Variants in SYT4 observed in about 807,000 individuals in gnomAD.
SYT4 encodes the protein synaptotagmin 4.
Under a neutral mutation model 32.9 loss-of-function variants are expected in SYT4, and 7 were observed. That is an observed-to-expected ratio of 0.21 (90% CI 0.12 to 0.40). The LOEUF (loss-of-function observed/expected upper bound fraction) is 0.40, where lower values mean the gene tolerates loss of function less well. Ranked by LOEUF, SYT4 falls within the 10% of genes least tolerant of loss-of-function variation. The pLI, the probability that SYT4 is intolerant of heterozygous loss-of-function variation, is 1.00. For missense variants in SYT4, 480 were observed against 488.0 expected (o/e 0.98, Z 0.16); for synonymous variants, 205 against 186.2 (o/e 1.10, Z -0.82).
At chr18:43,275,210 C>A (rs1189409294) in intron 1 of SYT4, among the ~76,000 whole-genome samples, 1 of 152,098 alleles carries the variant, frequency 6.6e-6, no homozygotes, top group Non-Finnish European at 1.5e-5. Flanking sequence ...ATAACTGTCT[C>A]TTCCTCTAGC....
Position 43,270,576 on chromosome 18 carries a change from C to T in SYT4, c.1043G>A (p.Cys348Tyr), listed in dbSNP as rs1223567540. The T allele has an allele frequency of 1.2e-6, 2 of 1,613,874 alleles. No individual in the cohort carries two copies. Among genetic ancestry groups the T allele is most frequent in the Non-Finnish European group, 1.7e-6 (2 of 1,179,964 alleles). ...CTCATTGAACACTGCATTGGGGGTGCATTTCTTCACATGAGTCTTCTTCTT... is the reference window on the plus strand; with the variant it reads ...CTCATTGAACACTGCATTGGGGGTGTATTTCTTCACATGAGTCTTCTTCTT... ...ISKKKTHVKK[C>Y]TPNAVFNELF... The change falls in exon 4 of 4, where the codon TGC becomes TAC. Residue 348 changes from cysteine (C) to tyrosine (Y), a missense_variant. Transcript: ENST00000255224.
chr18:43,274,505 TACTTTCC>T, intron 1 of SYT4, 111 bp from the exon 2 acceptor site: 1 of 837,716 alleles, frequency 1.2e-6, no homozygotes, highest in East Asian at 2.7e-5. Flanking sequence ...TAGATTGAAT[TACTTTCC>T]AACTGTTCTG....
rs773359100 is a variant in SYT4, at chr18:43,274,121, C to T, written c.308G>A (p.Gly103Asp). Residue 103 changes from glycine (G) to aspartate (D), a missense_variant, in exon 2 of 4, where the codon GGC becomes GAC. Gly to Asp is a moderately conservative substitution (Grantham distance 94, BLOSUM62 -1). Transcript: ENST00000255224. ...HLDLEKRDLNGNFPKTNLKPG... is the reference protein window; with the variant it reads ...HLDLEKRDLNDNFPKTNLKPG... ...TTTGAGGTTGGTTTTGGGAAAATTGCCATTGAGATCTCTCTTTTCAAGATC... is the reference window on the plus strand; with the variant it reads ...TTTGAGGTTGGTTTTGGGAAAATTGTCATTGAGATCTCTCTTTTCAAGATC... 23 of 1,613,920 alleles carry T rather than the reference C, an allele frequency of 1.4e-5. No individual in the cohort carries two copies. The highest frequency in any genetic ancestry group is 1.8e-5 in the Non-Finnish European group (21 of 1,179,946).
At chr18:43,271,990 AG>A in intron 2 of SYT4, 158 bp from the exon 3 acceptor site, 1 of 754,940 alleles carries the variant, frequency 1.3e-6, no homozygotes, top group Admixed American at 3.5e-5. Flanking sequence ...GCTTTTGAGC[AG>A]TACCATCGCT....
At position 43,268,667 on chromosome 18, in the gene SYT4, T is replaced by G. The variant is rs1908531581; in HGVS notation, c.*1674A>C. ...CCGAGTGGAGCAAGATGCTGTGAGGTGACTTTGTAGTGGAATGAAGACAAT... is the reference window on the plus strand; with the variant it reads ...CCGAGTGGAGCAAGATGCTGTGAGGGGACTTTGTAGTGGAATGAAGACAAT... On this transcript the variant is annotated 3_prime_UTR_variant, in exon 4 of 4. Coordinates refer to ENST00000255224, the MANE Select transcript of SYT4 (RefSeq NM_020783.4). 1 of 152,644 alleles carries G rather than the reference T, an allele frequency of 6.6e-6. No homozygotes were observed. Among genetic ancestry groups the G allele is most frequent in the Non-Finnish European group, 1.5e-5 (1 of 68,046 alleles). The allele number at this position is 152,644 out of a possible 1,614,324, so 9.5% of individuals were successfully genotyped here. A position where few individuals can be genotyped will look rare whatever the true frequency, so the allele number is the denominator to read the frequency against.
chr18:43,275,911 A>G (rs756152163), intron 1 of SYT4, among the ~76,000 whole-genome samples: 7 of 152,156 alleles, frequency 4.6e-5, no homozygotes, highest in Admixed American at 1.3e-4. Context: ...ATGCACCCAC[A>G]TTCCTGGACC....
chr18:43,269,283 T>C lies in SYT4; in HGVS notation c.*1058A>G, dbSNP rs1453852082. On this transcript the variant is annotated 3_prime_UTR_variant, in exon 4 of 4. Transcript: ENST00000255224. ...TTAGAATTGCTCTTGAACGATTTTG[T>C]AGTCTTACATTTGTTTGTTGGTTAA... 1 of 152,240 alleles carries C rather than the reference T, an allele frequency of 6.6e-6. No homozygotes were observed. The highest frequency in any genetic ancestry group is 1.5e-5 in the Non-Finnish European group (1 of 68,042). 9.4% of individuals were successfully genotyped at this position (152,240 alleles called of 1,614,324 possible).
intron 2 of SYT4, 30 bp from the exon 3 acceptor site, chr18:43,271,862 T>C: frequency 1.2e-6 from 2 of 1,600,082 alleles, no homozygotes; most frequent in Non-Finnish European, 1.7e-6. Context: ...ATATAAGTAT[T>C]TCTATCTTTT....
rs778692117 is a variant in SYT4 at position 43,274,375 on chromosome 18, C to T, written c.54G>A (p.Val18=). ...CCAGGCCAAATGCACTGAAGATCCC[C>T]ACCACTGTGGGGATTTCATCTGAAA... The part of the protein sequence containing the change: ...REEFDEIPTV[V]GIFSAFGLVF... The change falls in exon 2 of 4, where the codon GTG becomes GTA. Residue 18 remains valine, a synonymous_variant. Transcript: ENST00000255224. 8 of 1,600,494 alleles carry T rather than the reference C, an allele frequency of 5.0e-6. No homozygotes were observed. The East Asian group carries it at 1.6e-4, about 31-fold the overall frequency.
In SYT4 at chr18:43,270,657, G is replaced by A; in HGVS notation, c.971-9C>T. ...CACTTTGACATAGGGATCTGCAGTG[G>A]AACATAACAGGCATTACAATGGCAT... is the stretch of plus-strand genomic sequence containing the variant. On this transcript the variant is annotated splice_polypyrimidine_tract_variant and intron_variant, in intron 3 of 3. Coordinates refer to ENST00000255224, the MANE Select transcript of SYT4 (RefSeq NM_020783.4). 2 of 1,611,898 alleles carry A rather than the reference G, an allele frequency of 1.2e-6. No homozygotes were observed. Among genetic ancestry groups the A allele is most frequent in the Non-Finnish European group, 1.7e-6 (2 of 1,178,506 alleles).
In SYT4 at chr18:43,277,381, A is replaced by G. The variant is rs938944731; in HGVS notation, c.-100T>C. 17 of 1,441,330 alleles carry G rather than the reference A, an allele frequency of 1.2e-5. No homozygotes were observed. Among genetic ancestry groups the G allele is most frequent in the East Asian group, 4.6e-5 (2 of 43,706 alleles). 89.3% of individuals were successfully genotyped at this position (1,441,330 alleles called of 1,614,324 possible). ...GCCGGCTTTCGGAGCGCTGAAAACA[A>G]CAGCGCAGAGCCCAGGGCACCAGCT... On this transcript the variant is annotated 5_prime_UTR_variant, in exon 1 of 4. Transcript: ENST00000255224.
Position 43,277,197 on chromosome 18 carries a change from C to T in SYT4, c.34+51G>A. ...AAAAATAAATGAATAAACAGTCCAC[C>T]CCAGAGTATTCAAGGAATAACCGCA... On this transcript the variant is annotated intron_variant, in intron 1 of 3. Coordinates refer to ENST00000255224, the MANE Select transcript of SYT4 (RefSeq NM_020783.4). 2.5e-6 allele frequency: 4 copies of T among 1,610,460 alleles called. 1 individual carries two copies. The highest frequency in any genetic ancestry group is 2.2e-5 in the South Asian group (2 of 90,890).
chr18:43,276,147 C>A (rs73485596), intron 1 of SYT4, among the ~76,000 whole-genome samples: 5,240 of 152,110 alleles, frequency 0.034, 297 homozygotes, highest in African/African-American at 0.12. Flanking sequence ...AAAATAAACC[C>A]AATAACCCAA....
chr18:43,267,982 C>A lies in SYT4; in HGVS notation c.*2359G>T, dbSNP rs1174739070. On this transcript the variant is annotated 3_prime_UTR_variant, in exon 4 of 4. Transcript: ENST00000255224. The stretch of plus-strand genomic sequence containing the variant: ...GCACAAAAGAACAGACACTGTCTCA[C>A]ACACCATGCTTCCTTCCAAAACACT... 6.6e-6 allele frequency: 1 copy of A among 152,234 alleles called. No individual in the cohort carries two copies. Among genetic ancestry groups the A allele is most frequent in the Non-Finnish European group, 1.5e-5 (1 of 68,044 alleles). 9.4% of individuals were successfully genotyped at this position (152,234 alleles called of 1,614,324 possible).
chr18:43,272,377 T>TA (rs1310019061), intron 2 of SYT4, among the ~76,000 whole-genome samples: 1 of 152,140 alleles, frequency 6.6e-6, no homozygotes, highest in Non-Finnish European at 1.5e-5. Flanking sequence ...ATAATGGAGT[T>TA]AAAATTCTCT....
Position 43,274,286 on chromosome 18 carries a change from G to A in SYT4, c.143C>T (p.Thr48Ile). ...CQRKSSKSNKTPPYKFVHVLK... is the reference protein window; with the variant it reads ...CQRKSSKSNKIPPYKFVHVLK... ...CACATGCACAAACTTGTATGGAGGA[G>A]TCTTGTTAGACTTGGATGATTTTCT... is the stretch of plus-strand genomic sequence containing the variant. Residue 48 changes from threonine (T) to isoleucine (I), a missense_variant, in exon 2 of 4, where the codon ACT becomes ATT. Physicochemically the swap from Thr to Ile is moderately conservative, Grantham distance 89 (BLOSUM62 -1). Transcript: ENST00000255224. The A allele has an allele frequency of 5.0e-6, 8 of 1,613,898 alleles. No homozygotes were observed. Among genetic ancestry groups the A allele is most frequent in the Non-Finnish European group, 6.8e-6 (8 of 1,179,910 alleles).
rs985725338 is a variant in SYT4 at position 43,268,300 on chromosome 18, T to C, written c.*2041A>G. The C allele has an allele frequency of 2.6e-5, 4 of 152,612 alleles. No homozygotes were observed. Among genetic ancestry groups the C allele is most frequent in the Admixed American group, 1.3e-4 (2 of 15,272 alleles). The allele number at this position is 152,612 out of a possible 1,614,324, so 9.5% of individuals were successfully genotyped here. On this transcript the variant is annotated 3_prime_UTR_variant, in exon 4 of 4. Transcript: ENST00000255224. The stretch of plus-strand genomic sequence containing the variant: ...TCTGAAAACCAGTTGCAAATAGTTT[T>C]ACTCAACTTTTCACACTCAAAAACA...
chr18:43,274,003 G>A lies in SYT4; in HGVS notation c.426C>T (p.Ser142=), dbSNP rs760199495. 49 of 1,613,816 alleles carry A rather than the reference G, an allele frequency of 3.0e-5. No homozygotes were observed. In the South Asian group the frequency reaches 4.6e-4, roughly 15 times the overall value. Residue 142 remains serine (S), a synonymous_variant, in exon 2 of 4, where the codon AGC becomes AGT. Coordinates refer to ENST00000255224, the MANE Select transcript of SYT4 (RefSeq NM_020783.4). ...ESVSPESLKS[S]TSLTSEEKQE... ...GTTTCTCTTCTGAAGTAAGGGAAGTGCTGGACTTTAAACTCTCAGGGGAAA... is the reference window on the plus strand; with the variant it reads ...GTTTCTCTTCTGAAGTAAGGGAAGTACTGGACTTTAAACTCTCAGGGGAAA...
At chr18:43,276,473 C>CT (rs57351324) in intron 1 of SYT4, among the ~76,000 whole-genome samples, 1 of 152,178 alleles carries the variant, frequency 6.6e-6, no homozygotes, top group East Asian at 1.9e-4. Context: ...AAAAATAGTA[C>CT]TTTTTTACTC....
Sources: gnomAD v4.1 joint callset for allele counts (sites outside exome capture counted in the v4.1 genomes callset) on GRCh38, gnomAD v4.1.1 for gene constraint, MANE v1.5 for transcripts, NCBI Gene and HGNC (gene_info 2026-07-23, HGNC 2026-07-21) for gene names.